SAMMSON: variants seen among roughly 807,000 people sequenced by gnomAD.
The protein encoded by SAMMSON is survival associated mitochondrial melanoma specific oncogenic non-coding RNA.
chr3:70,289,428 C>T (rs1301174914), intron 6 of SAMMSON, among the ~76,000 whole-genome samples: 93 of 148,354 alleles, frequency 6.3e-4, no homozygotes, highest in Admixed American at 1.6e-3. Context: ...CCGAGAGATC[C>T]GCTGTTAGTC....
chr3:70,117,519 T>C (rs1188895943), intron 4 of SAMMSON, among the ~76,000 whole-genome samples: 2 of 152,236 alleles, frequency 1.3e-5, no homozygotes, highest in Non-Finnish European at 1.5e-5. Flanking sequence ...TCAATTCTTC[T>C]TGCCTTCAAT....
At chr3:70,287,013 T>TA (rs1702172647) in intron 6 of SAMMSON, among the ~76,000 whole-genome samples, 1 of 149,186 alleles carries the variant, frequency 6.7e-6, no homozygotes, top group Non-Finnish European at 1.5e-5. Context: ...ACAGGGACAA[T>TA]TTGACTTCCT....
chr3:70,421,970 C>G (rs376485969), intron 2 of SAMMSON, among the ~76,000 whole-genome samples: 1 of 151,848 alleles, frequency 6.6e-6, no homozygotes, highest in Non-Finnish European at 1.5e-5. Flanking sequence ...AATGTCTGGT[C>G]CATTAAAAAA....
intron 3 of SAMMSON, among the ~76,000 whole-genome samples, chr3:70,058,296 A>T (rs2067175185): frequency 6.6e-6 from 1 of 151,996 alleles, no homozygotes; most frequent in Admixed American, 6.6e-5. Context: ...TCCTTAGCAT[A>T]AAGCTGCATT....
At chr3:70,286,074 T>C (rs973091984) in intron 6 of SAMMSON, among the ~76,000 whole-genome samples, 6 of 152,204 alleles carry the variant, frequency 3.9e-5, no homozygotes, top group African/African-American at 1.4e-4. Context: ...GAGATCCCAT[T>C]TGTCAATTTT....
At chr3:70,188,176 A>G (rs1701106232) in intron 4 of SAMMSON, among the ~76,000 whole-genome samples, 1 of 152,130 alleles carries the variant, frequency 6.6e-6, no homozygotes, top group Non-Finnish European at 1.5e-5. Flanking sequence ...TATTGTCTTT[A>G]TAGTAAAGTG....
intron 7 of SAMMSON, among the ~76,000 whole-genome samples, chr3:70,337,191 C>A (rs866546643): frequency 1.4e-5 from 2 of 142,524 alleles, no homozygotes; most frequent in African/African-American, 2.6e-5. Flanking sequence ...TAATATGTAA[C>A]TTAATAATAT....
chr3:70,427,287 TC>T (rs1701377710), intron 2 of SAMMSON, among the ~76,000 whole-genome samples: 1 of 152,200 alleles, frequency 6.6e-6, no homozygotes, highest in South Asian at 2.1e-4. Flanking sequence ...ATTCAATTGT[TC>T]AATTGTGTTT....
intron 7 of SAMMSON, among the ~76,000 whole-genome samples, chr3:70,295,415 A>G (rs1468751189): frequency 6.6e-6 from 1 of 152,184 alleles, no homozygotes; most frequent in African/African-American, 2.4e-5. Context: ...TACATACCAT[A>G]ATGAAAGCCC....
At chr3:70,267,681 G>C (rs963379239) in intron 6 of SAMMSON, among the ~76,000 whole-genome samples, 5 of 151,418 alleles carry the variant, frequency 3.3e-5, no homozygotes, top group Non-Finnish European at 7.4e-5. Context: ...CTCCCAGAGT[G>C]CTGGGATTAC....
chr3:70,137,573 A>T (rs2067511095), intron 4 of SAMMSON: 1 of 152,132 alleles, frequency 6.6e-6, no homozygotes, highest in Admixed American at 6.6e-5. Context: ...AACCTAAAAT[A>T]TTTCCTTTCT....
chr3:70,111,858 C>T (rs573566090), intron 4 of SAMMSON, among the ~76,000 whole-genome samples: 30 of 151,874 alleles, frequency 2.0e-4, no homozygotes, highest in African/African-American at 4.6e-4. Context: ...AGACAGAGAA[C>T]GAGAAAGAAA....
At chr3:70,006,726 T>A in intron 1 of SAMMSON, among the ~76,000 whole-genome samples, 1 of 151,944 alleles carries the variant, frequency 6.6e-6, no homozygotes, top group East Asian at 1.9e-4. Context: ...GTTACATATG[T>A]ATACATGTGC....
chr3:70,248,833 A>G (rs993829166), intron 4 of SAMMSON, among the ~76,000 whole-genome samples: 1 of 152,134 alleles, frequency 6.6e-6, no homozygotes, highest in Admixed American at 6.6e-5. Flanking sequence ...TATGTTTGCC[A>G]GTGGTGGCCT....
At chr3:70,278,811 ATTC>A (rs1702053341) in intron 6 of SAMMSON, among the ~76,000 whole-genome samples, 1 of 152,112 alleles carries the variant, frequency 6.6e-6, no homozygotes, top group Middle Eastern at 3.4e-3. Context: ...TATGCCTCAG[ATTC>A]TTCTTCTATA....
intron 4 of SAMMSON, among the ~76,000 whole-genome samples, chr3:70,218,803 T>C (rs2106735169): frequency 6.6e-6 from 1 of 152,292 alleles, no homozygotes; most frequent in South Asian, 2.1e-4. Context: ...TCAAGTGCAT[T>C]GACTGTGCTT....
intron 2 of SAMMSON, among the ~76,000 whole-genome samples, chr3:70,395,317 T>TTC (rs1262870405): frequency 2.3e-4 from 33 of 144,716 alleles, no homozygotes; most frequent in Middle Eastern, 3.6e-3. Flanking sequence ...TCTCCTCTCC[T>TTC]TCTCTCTCTC....
At chr3:70,281,563 AG>A (rs1376206924) in intron 6 of SAMMSON, among the ~76,000 whole-genome samples, 4 of 152,142 alleles carry the variant, frequency 2.6e-5, no homozygotes, top group African/African-American at 9.7e-5. Flanking sequence ...ACAGGGTAAA[AG>A]CTCAAAACAA....
chr3:70,050,318 T>A (rs1210904882), intron 3 of SAMMSON, among the ~76,000 whole-genome samples: 1 of 152,166 alleles, frequency 6.6e-6, no homozygotes, highest in Non-Finnish European at 1.5e-5. Context: ...TAGTTATTTA[T>A]GAATTCCTCC....
Sources: gnomAD v4.1 joint callset for allele counts (sites outside exome capture counted in the v4.1 genomes callset) on GRCh38, gnomAD v4.1.1 for gene constraint, MANE v1.5 for transcripts, NCBI Gene and HGNC (gene_info 2026-07-23, HGNC 2026-07-21) for gene names.